Variants in STK24 observed in about 807,000 individuals in gnomAD.
STK24 encodes serine/threonine kinase 24, also known as serine/threonine-protein kinase 24.
Under a neutral mutation model 55.6 loss-of-function variants are expected in STK24, and 21 were observed. The ratio of observed to expected loss-of-function variants is 0.38; its 90% CI spans 0.27 to 0.54. The LOEUF (loss-of-function observed/expected upper bound fraction) is 0.54, where lower values mean the gene tolerates loss of function less well. STK24 is among the 20% of genes least tolerant of loss of function. The pLI, the probability that STK24 is intolerant of heterozygous loss-of-function variation, is 0.79. For missense variants in STK24, 383 were observed against 538.4 expected, an observed-to-expected ratio of 0.71 and a Z score of 2.86; for synonymous variants, 200 against 215.2, an observed-to-expected ratio of 0.93 and a Z score of 0.62.
chr13:98,475,299 T>C lies in STK24; in HGVS notation c.390A>G (p.Lys130=), dbSNP rs768243797. 3 of 1,614,032 alleles carry C rather than the reference T, an allele frequency of 1.9e-6. No individual in the cohort carries two copies. Among genetic ancestry groups the C allele is most frequent in the Admixed American group, 3.3e-5 (2 of 60,002 alleles). ...QIATILREIL[K]GLDYLHSEKK... ...TCTCCGAATGGAGATAATCGAGTCC[T>C]TTCAGTATTTCTCTTAATATAGTAG... The change falls in exon 4 of 11, where the codon AAA becomes AAG. Residue 130 remains lysine, a synonymous_variant. Coordinates refer to ENST00000539966, the MANE Select transcript of STK24 (RefSeq NM_001032296.4).
chr13:98,533,989 C>T (rs1476085636), intron 1 of STK24, among the ~76,000 whole-genome samples: 1 of 152,238 alleles, frequency 6.6e-6, no homozygotes, highest in African/African-American at 2.4e-5. Flanking sequence ...TAAACAAAGG[C>T]TCTGAGGCTC....
At position 98,457,250 on chromosome 13, in the gene STK24, G is replaced by A. The variant is rs1218438785; in HGVS notation, c.1177C>T (p.Arg393Ter). 6.2e-7 allele frequency: 1 copy of A among 1,613,592 alleles called. No individual in the cohort carries two copies. The change falls in exon 10 of 11, where the codon CGA (arginine) becomes TGA (stop). Residue 393 changes from arginine (R) to a stop codon, truncating the protein, a stop_gained. Transcript: ENST00000539966. LOFTEE classifies it high-confidence loss of function. ...TCCTCCGCTAGGTAGATGGCCCCTC[G>A]CAGCTCTTCAATGGACCCCAAGTTC... ...GGNLGSIEEL[R>*]GAIYLAEEAC... is the part of the protein sequence containing the mutation.
chr13:98,558,738 G>A (rs1897337599), intron 1 of STK24, among the ~76,000 whole-genome samples: 1 of 152,062 alleles, frequency 6.6e-6, no homozygotes, highest in African/African-American at 2.4e-5. Context: ...AACCAACAAA[G>A]TTACAAGTGA....
intron 1 of STK24, among the ~76,000 whole-genome samples, chr13:98,568,513 G>C (rs1194533927): frequency 6.6e-6 from 1 of 152,194 alleles, no homozygotes; most frequent in Non-Finnish European, 1.5e-5. Context: ...AGGAAAAATT[G>C]AGGATATATG....
chr13:98,459,519 G>A (rs902869348), intron 9 of STK24, among the ~76,000 whole-genome samples: 1 of 152,234 alleles, frequency 6.6e-6, no homozygotes, highest in Non-Finnish European at 1.5e-5. Flanking sequence ...TGGCAGGACC[G>A]TGGCTGGCCA....
intron 5 of STK24, among the ~76,000 whole-genome samples, chr13:98,470,117 G>A (rs933830173): frequency 2.0e-5 from 3 of 152,176 alleles, no homozygotes; most frequent in African/African-American, 7.2e-5. Context: ...GTCTATTACT[G>A]CTTCTAGGAA....
intron 1 of STK24, among the ~76,000 whole-genome samples, chr13:98,567,826 A>G (rs1265870620): frequency 6.6e-6 from 1 of 151,948 alleles, no homozygotes; most frequent in African/African-American, 2.4e-5. Flanking sequence ...AATTGGGTCA[A>G]TCCTGAAATC....
At chr13:98,522,314 G>A (rs554645542) in intron 1 of STK24, among the ~76,000 whole-genome samples, 7 of 152,278 alleles carry the variant, frequency 4.6e-5, no homozygotes, top group African/African-American at 1.2e-4. Context: ...AGGGGTGCCC[G>A]GTAGTTTCAG....
intron 8 of STK24, among the ~76,000 whole-genome samples, chr13:98,460,745 G>A (rs911711938): frequency 6.6e-5 from 10 of 152,150 alleles, no homozygotes; most frequent in African/African-American, 2.2e-4. Context: ...TATCTACGCA[G>A]AAGTGCTTTA....
At chr13:98,480,945 A>T (rs1255130649) in intron 3 of STK24, among the ~76,000 whole-genome samples, 1 of 152,184 alleles carries the variant, frequency 6.6e-6, no homozygotes, top group Non-Finnish European at 1.5e-5. Context: ...ACCCGTGTAG[A>T]CTATGCTAAA....
At chr13:98,473,513 A>T (rs1566354055) in intron 5 of STK24, among the ~76,000 whole-genome samples, 2 of 152,016 alleles carry the variant, frequency 1.3e-5, no homozygotes, top group South Asian at 4.2e-4. Flanking sequence ...CGAGTCCCAA[A>T]ATTACATGAC....
intron 1 of STK24, among the ~76,000 whole-genome samples, chr13:98,563,677 T>C (rs1897490347): frequency 6.6e-6 from 1 of 151,756 alleles, no homozygotes; most frequent in African/African-American, 2.4e-5. Context: ...GCTAACATGG[T>C]GAAACCCCAT....
At chr13:98,526,732 G>A (rs536494465) in intron 1 of STK24, among the ~76,000 whole-genome samples, 5 of 152,192 alleles carry the variant, frequency 3.3e-5, no homozygotes, top group Non-Finnish European at 7.3e-5. Context: ...TCTGCTGTGG[G>A]GAGGAGTGAG....
intron 2 of STK24, among the ~76,000 whole-genome samples, chr13:98,485,813 C>A (rs1894783234): frequency 6.6e-6 from 1 of 152,232 alleles, no homozygotes; most frequent in Non-Finnish European, 1.5e-5. Flanking sequence ...GAAGGTCGGC[C>A]CGGGGGACCG....
intron 1 of STK24, among the ~76,000 whole-genome samples, chr13:98,535,617 CGTTCACAAATACG>C (rs1455490844): frequency 2.0e-5 from 3 of 152,124 alleles, no homozygotes; most frequent in Non-Finnish European, 4.4e-5. Flanking sequence ...TGCTGGGCAG[CGTTCACAAATACG>C]GTTTCTAGAC....
intron 2 of STK24, among the ~76,000 whole-genome samples, chr13:98,487,416 A>C (rs1894848985): frequency 6.6e-6 from 1 of 152,228 alleles, no homozygotes; most frequent in Admixed American, 6.5e-5. Context: ...CATTTAATTA[A>C]TAAATTCTGG....
chr13:98,514,890 TCTA>T lies in STK24; in HGVS notation c.273+4350_273+4352del, dbSNP rs1048724814. Reference sequence around the variant, plus strand: ...AGGGAAAATCATCATTTACTAAAAATCTACTACATGCCAGCACTTTACATACAT... The same window carrying T: ...AGGGAAAATCATCATTTACTAAAAATCTACATGCCAGCACTTTACATACAT... On this transcript the variant is annotated intron_variant, in intron 2 of 10. Transcript: ENST00000539966. Among the ~76,000 whole-genome samples the T allele has an allele frequency of 8.5e-5, 13 of 152,142 alleles. 1 individual carries two copies. The highest frequency in any genetic ancestry group is 7.7e-4 in the East Asian group (4 of 5,204).
intron 3 of STK24, among the ~76,000 whole-genome samples, chr13:98,481,760 A>G (rs1001750623): frequency 3.9e-5 from 6 of 152,114 alleles, no homozygotes; most frequent in Non-Finnish European, 7.4e-5. Flanking sequence ...TCAAAAGCAG[A>G]CAGACAGGCA....
At chr13:98,481,557 T>C (rs1894579364) in intron 3 of STK24, among the ~76,000 whole-genome samples, 2 of 152,344 alleles carry the variant, frequency 1.3e-5, no homozygotes, top group South Asian at 4.1e-4. Flanking sequence ...CAATATTACA[T>C]GCTTATTTTG....
Sources: gnomAD v4.1 joint callset for allele counts (sites outside exome capture counted in the v4.1 genomes callset) on GRCh38, gnomAD v4.1.1 for gene constraint, MANE v1.5 for transcripts, NCBI Gene and HGNC (gene_info 2026-07-23, HGNC 2026-07-21) for gene names.